NKAIN2: variants seen among roughly 807,000 people sequenced by gnomAD.
The protein encoded by NKAIN2 is sodium/potassium-transporting ATPase subunit beta-1-interacting protein 2.
In NKAIN2, 14 loss-of-function variants were observed where a neutral mutation model predicts 32.6. The ratio of observed to expected loss-of-function variants is 0.43; its 90% CI spans 0.28 to 0.67. The LOEUF (loss-of-function observed/expected upper bound fraction) is 0.67, where lower values mean the gene tolerates loss of function less well. Among genes scored for constraint, NKAIN2 ranks in the 30% least tolerant of loss-of-function variants. The pLI, the probability that NKAIN2 is intolerant of heterozygous loss-of-function variation, is 0.17. For synonymous variants in NKAIN2, 80 were observed against 87.2 expected (o/e 0.92, Z 0.46); for missense variants, 198 against 258.3 (o/e 0.77, Z 1.60).
chr6:123,811,209 A>T (rs1379543111), intron 1 of NKAIN2, among the ~76,000 whole-genome samples: 6 of 152,096 alleles, frequency 3.9e-5, no homozygotes, highest in Non-Finnish European at 8.8e-5. Flanking sequence ...CCTATTTCTG[A>T]CTTTTAGCTT....
chr6:124,246,076 G>GT (rs1187414554), intron 1 of NKAIN2, among the ~76,000 whole-genome samples: 1 of 151,978 alleles, frequency 6.6e-6, no homozygotes, highest in African/African-American at 2.4e-5. Flanking sequence ...CCTCAAAGCG[G>GT]TTTTTGTTTT....
At chr6:124,326,711 A>G (rs757532110) in intron 2 of NKAIN2, among the ~76,000 whole-genome samples, 29 of 152,116 alleles carry the variant, frequency 1.9e-4, no homozygotes, top group Non-Finnish European at 3.8e-4. Context: ...GATCCTGGAG[A>G]TAGACTTGCC....
chr6:123,857,040 G>A (rs1775581773), intron 1 of NKAIN2, among the ~76,000 whole-genome samples: 1 of 151,934 alleles, frequency 6.6e-6, no homozygotes, highest in Non-Finnish European at 1.5e-5. Context: ...CCTCATAGTT[G>A]AAGTATAATA....
At chr6:124,410,730 A>T (rs1048376688) in intron 3 of NKAIN2, among the ~76,000 whole-genome samples, 3 of 152,156 alleles carry the variant, frequency 2.0e-5, no homozygotes, top group Non-Finnish European at 2.9e-5. Context: ...TGCAGAGCTG[A>T]GTTCAATTCC....
At chr6:123,922,301 T>C (rs1446762465) in intron 1 of NKAIN2, among the ~76,000 whole-genome samples, 10 of 152,206 alleles carry the variant, frequency 6.6e-5, no homozygotes, top group Admixed American at 6.5e-4. Flanking sequence ...GAAATGAGAA[T>C]TGGAGAGCTT....
chr6:124,229,427 A>G (rs1312449190), intron 1 of NKAIN2, among the ~76,000 whole-genome samples: 2 of 152,164 alleles, frequency 1.3e-5, no homozygotes, highest in African/African-American at 2.4e-5. Flanking sequence ...GTGAAAAAAC[A>G]TACAATTTAC....
intron 4 of NKAIN2, among the ~76,000 whole-genome samples, chr6:124,717,323 G>T (rs917472440): frequency 3.9e-5 from 6 of 152,102 alleles, no homozygotes; most frequent in Non-Finnish European, 4.4e-5. Context: ...GACAATTGGT[G>T]ATACTCAATA....
chr6:124,581,451 A>G (rs1781521012), intron 3 of NKAIN2, among the ~76,000 whole-genome samples: 1 of 149,246 alleles, frequency 6.7e-6, no homozygotes, highest in East Asian at 2.0e-4. Context: ...GTCTCAAAAA[A>G]AAAAAAAAAA....
chr6:124,458,047 A>G, intron 3 of NKAIN2, among the ~76,000 whole-genome samples: 1 of 151,972 alleles, frequency 6.6e-6, no homozygotes, highest in East Asian at 1.9e-4. Context: ...ATAGCCTCTA[A>G]ACTGAAACAT....
At chr6:124,148,402 C>G (rs1388655366) in intron 1 of NKAIN2, among the ~76,000 whole-genome samples, 2 of 152,050 alleles carry the variant, frequency 1.3e-5, no homozygotes, top group African/African-American at 4.8e-5. Flanking sequence ...ACATTCCTTC[C>G]TTATCTCCCC....
At chr6:124,028,851 G>A (rs62435606) in intron 1 of NKAIN2, among the ~76,000 whole-genome samples, 1 of 114,784 alleles carries the variant, frequency 8.7e-6, no homozygotes, top group South Asian at 2.6e-4. Context: ...GTATATATGT[G>A]TGTGTCTATA....
At chr6:124,106,630 G>A (rs1490511701) in intron 1 of NKAIN2, among the ~76,000 whole-genome samples, 1 of 152,126 alleles carries the variant, frequency 6.6e-6, no homozygotes, top group Non-Finnish European at 1.5e-5. Context: ...TTCTATTTAG[G>A]TAAAGCTGGA....
At chr6:124,467,514 T>A (rs1776808605) in intron 3 of NKAIN2, among the ~76,000 whole-genome samples, 1 of 152,100 alleles carries the variant, frequency 6.6e-6, no homozygotes, top group African/African-American at 2.4e-5. Flanking sequence ...GAAGGATCCC[T>A]ACATCTCCAA....
intron 4 of NKAIN2, among the ~76,000 whole-genome samples, chr6:124,776,835 T>C (rs1465649440): frequency 6.6e-6 from 1 of 152,228 alleles, no homozygotes; most frequent in Non-Finnish European, 1.5e-5. Context: ...TCATATATTT[T>C]TGTGCCAAGT....
intron 5 of NKAIN2, among the ~76,000 whole-genome samples, chr6:124,817,862 A>T (rs78482890): frequency 0.043 from 6,504 of 152,228 alleles, 457 homozygotes; most frequent in African/African-American, 0.15. Context: ...GGTAAACCAC[A>T]TTTGGCAGGG....
chr6:124,215,312 A>G (rs530672604), intron 1 of NKAIN2, among the ~76,000 whole-genome samples: 1 of 152,260 alleles, frequency 6.6e-6, no homozygotes, highest in South Asian at 2.1e-4. Flanking sequence ...AGGCGATCCA[A>G]CATCTCACTT....
chr6:124,782,874 T>G (rs1269267205), intron 4 of NKAIN2, among the ~76,000 whole-genome samples: 5 of 152,164 alleles, frequency 3.3e-5, no homozygotes, highest in African/African-American at 1.2e-4. Flanking sequence ...AATCTTAAAC[T>G]TAGCTTTACC....
chr6:124,441,815 G>A (rs1333172016), intron 3 of NKAIN2, among the ~76,000 whole-genome samples: 1 of 152,024 alleles, frequency 6.6e-6, no homozygotes, highest in East Asian at 1.9e-4. Context: ...CCTTCTAGGT[G>A]GAAGGGGTTT....
intron 3 of NKAIN2, among the ~76,000 whole-genome samples, chr6:124,509,344 G>A (rs549993615): frequency 3.9e-5 from 6 of 152,128 alleles, no homozygotes; most frequent in African/African-American, 7.2e-5. Context: ...CTAGAGAACC[G>A]AAAGAAGACA....
Sources: allele counts gnomAD v4.1 joint callset (sites outside exome capture counted in the v4.1 genomes callset), GRCh38; gene constraint gnomAD v4.1.1; transcripts MANE v1.5; gene names NCBI Gene and HGNC (gene_info 2026-07-23, HGNC 2026-07-21).